TMEM260: variants seen among roughly 807,000 people sequenced by gnomAD.
The protein encoded by TMEM260 is transmembrane protein 260.
TMEM260 carries 82 observed loss-of-function variants against 88.9 expected under a neutral mutation model. The ratio of observed to expected loss-of-function variants is 0.92; its 90% CI spans 0.77 to 1.11. TMEM260 has a LOEUF of 1.11. Among genes scored for constraint, TMEM260 ranks in the 50% least tolerant of loss-of-function variants. The pLI is 0.00. For synonymous variants in TMEM260, 314 were observed against 309.3 expected (o/e 1.02, Z -0.16); for missense variants, 902 against 853.4 (o/e 1.06, Z -0.71).
In TMEM260 at chr14:56,618,624, G is replaced by C; in HGVS notation, c.1087G>C (p.Val363Leu). 1.2e-6 allele frequency: 2 copies of C among 1,614,216 alleles called. No homozygotes were observed. The highest frequency in any genetic ancestry group is 1.7e-5 in the Admixed American group (1 of 60,028). Residue 363 changes from valine to leucine, a missense_variant, in exon 10 of 16, where the codon GTA (valine) becomes CTA (leucine). By Grantham distance (32) the Val-to-Leu change is conservative (BLOSUM62 1). Coordinates refer to ENST00000261556, the MANE Select transcript of TMEM260 (RefSeq NM_017799.4). ...VERFWMQSNA[V>L]VAVLAGIGLA... ...ACGATTCTGGATGCAGAGCAATGCAGTAGTGGCCGTCCTCGCTGGCATTGG... is the reference window on the plus strand; with the variant it reads ...ACGATTCTGGATGCAGAGCAATGCACTAGTGGCCGTCCTCGCTGGCATTGG...
chr14:56,601,067 G>A (rs1045032709), intron 3 of TMEM260, among the ~76,000 whole-genome samples: 1 of 152,154 alleles, frequency 6.6e-6, no homozygotes, highest in African/African-American at 2.4e-5. Flanking sequence ...AAATACTCAT[G>A]TACCTAACTT....
chr14:56,662,124 C>T, the TMEM260 span, among the ~76,000 whole-genome samples: 4 of 152,204 alleles, frequency 2.6e-5, no homozygotes, highest in Non-Finnish European at 5.9e-5. Context: ...TTGGCTTCTA[C>T]ATAGCTGCAG....
At chr14:56,628,386 C>T (rs1888368106) in intron 12 of TMEM260, among the ~76,000 whole-genome samples, 1 of 152,186 alleles carries the variant, frequency 6.6e-6, no homozygotes, top group African/African-American at 2.4e-5. Flanking sequence ...GTGTCTTTTG[C>T]AGAGCAAAAC....
chr14:56,612,611 A>C (rs916461582), intron 7 of TMEM260: 31 of 254,480 alleles, frequency 1.2e-4, no homozygotes, highest in Admixed American at 4.0e-4. Context: ...TGTAAATGCT[A>C]TGTAAATAGT....
intron 3 of TMEM260, among the ~76,000 whole-genome samples, chr14:56,594,576 A>C: frequency 6.6e-6 from 1 of 152,244 alleles, no homozygotes. Flanking sequence ...AAAAATCATC[A>C]GACTTACTCT....
chr14:56,662,289 C>T, the TMEM260 span, among the ~76,000 whole-genome samples: 2 of 152,156 alleles, frequency 1.3e-5, no homozygotes, highest in Non-Finnish European at 2.9e-5. Context: ...ATCCATTCCA[C>T]CTAGTTTAAG....
chr14:56,654,434 C>T (rs907171281), downstream of TMEM260, among the ~76,000 whole-genome samples: 13 of 152,130 alleles, frequency 8.5e-5, no homozygotes, highest in South Asian at 6.2e-4. Flanking sequence ...TGTCCCAGCT[C>T]CACTGGAATT....
rs768267687 is a variant in TMEM260 at position 56,612,244 on chromosome 14, G to A, written c.817-1G>A. The A allele has an allele frequency of 1.6e-5, 26 of 1,613,238 alleles. No homozygotes were observed. In the Admixed American group the frequency reaches 2.8e-4, roughly 18 times the overall value. Reference sequence around the variant, plus strand: ...GATAAACTTTTGTCTTTTGTGTTTAGGCCAAATCTGAAATAGGATCCAGTA... The same window carrying A: ...GATAAACTTTTGTCTTTTGTGTTTAAGCCAAATCTGAAATAGGATCCAGTA... On this transcript the variant is annotated splice_acceptor_variant, in intron 6 of 15. Coordinates refer to ENST00000261556, the MANE Select transcript of TMEM260 (RefSeq NM_017799.4). LOFTEE classifies it high-confidence loss of function.
the TMEM260 span, among the ~76,000 whole-genome samples, chr14:56,658,735 A>G: frequency 6.6e-6 from 1 of 151,816 alleles, no homozygotes; most frequent in South Asian, 2.1e-4. Flanking sequence ...ACAGAAAAAT[A>G]CTATTACTAT....
intron 1 of TMEM260, among the ~76,000 whole-genome samples, chr14:56,584,179 G>C (rs6573097): frequency 0.044 from 6,695 of 152,166 alleles, 485 homozygotes; most frequent in African/African-American, 0.15. Flanking sequence ...ATTAAATGCA[G>C]AGTATTGCTA....
chr14:56,651,460 G>A (rs1317974318), downstream of TMEM260, among the ~76,000 whole-genome samples: 1 of 152,186 alleles, frequency 6.6e-6, no homozygotes, highest in Non-Finnish European at 1.5e-5. Context: ...AGGACAAGTA[G>A]CGTTTCCAGC....
chr14:56,596,794 A>AAATAT (rs59623466), intron 3 of TMEM260, among the ~76,000 whole-genome samples: 66 of 136,294 alleles, frequency 4.8e-4, no homozygotes, highest in African/African-American at 1.7e-3. Flanking sequence ...TAAAAAAAAA[A>AAATAT]ATATATATAT....
At chr14:56,609,755 T>C (rs1887138229) in intron 6 of TMEM260, among the ~76,000 whole-genome samples, 1 of 152,198 alleles carries the variant, frequency 6.6e-6, no homozygotes, top group Non-Finnish European at 1.5e-5. Flanking sequence ...TCAAGACATA[T>C]CTGTAAATGC....
chr14:56,652,391 G>T (rs2139669727), downstream of TMEM260, among the ~76,000 whole-genome samples: 1 of 151,796 alleles, frequency 6.6e-6, no homozygotes, highest in East Asian at 1.9e-4. Context: ...CCAGCTACTT[G>T]AGAGGCTGAG....
chr14:56,626,948 G>A (rs1414260062), intron 12 of TMEM260, among the ~76,000 whole-genome samples: 3 of 151,922 alleles, frequency 2.0e-5, no homozygotes, highest in Non-Finnish European at 4.4e-5. Context: ...CATACATACT[G>A]TATTATATAT....
intron 14 of TMEM260, among the ~76,000 whole-genome samples, chr14:56,635,858 T>C (rs757306340): frequency 1.7e-4 from 25 of 151,186 alleles, no homozygotes; most frequent in African/African-American, 4.4e-4. Flanking sequence ...TATATATATA[T>C]ACTATAGTTT....
chr14:56,641,729 TA>T (rs1283952465), intron 15 of TMEM260, among the ~76,000 whole-genome samples: 1 of 152,116 alleles, frequency 6.6e-6, no homozygotes, highest in Admixed American at 6.5e-5. Flanking sequence ...GCAAATTGGA[TA>T]AAGAGTCAAG....
chr14:56,611,935 A>G (rs1887304463), intron 6 of TMEM260, among the ~76,000 whole-genome samples: 2 of 152,204 alleles, frequency 1.3e-5, no homozygotes, highest in Admixed American at 1.3e-4. Flanking sequence ...TCTCATTTAT[A>G]AGTGGGAGCT....
chr14:56,625,506 A>T lies in TMEM260; in HGVS notation c.1523A>T (p.Tyr508Phe), dbSNP rs1888195522. The change falls in exon 12 of 16, where the codon TAT (tyrosine) becomes TTT (phenylalanine). Residue 508 changes from tyrosine to phenylalanine, a missense_variant. By Grantham distance (22) the Tyr-to-Phe change is conservative. Transcript: ENST00000261556. ...AGTGGAATGGTCACATTTAATCTTTATCATTTTCTTGAAGTAAATAAACAG... is the reference window on the plus strand; with the variant it reads ...AGTGGAATGGTCACATTTAATCTTTTTCATTTTCTTGAAGTAAATAAACAG... ...LPSGMVTFNLYHFLEVNKQKE... is the reference protein window; with the variant it reads ...LPSGMVTFNLFHFLEVNKQKE... 1 of 1,600,506 alleles carries T rather than the reference A, an allele frequency of 6.2e-7. No homozygotes were observed. Among genetic ancestry groups the T allele is most frequent in the Non-Finnish European group, 8.5e-7 (1 of 1,170,992 alleles).
Sources: allele counts gnomAD v4.1 joint callset (sites outside exome capture counted in the v4.1 genomes callset), GRCh38; gene constraint gnomAD v4.1.1; transcripts MANE v1.5; gene names NCBI Gene and HGNC (gene_info 2026-07-23, HGNC 2026-07-21).